Variants in FAM83A observed in about 807,000 individuals in gnomAD.
FAM83A encodes the protein scaffolding CK1 anchoring protein A, also known as protein FAM83A.
In FAM83A, 21 loss-of-function variants were observed where a neutral mutation model predicts 24.4. The ratio of observed to expected loss-of-function variants is 0.86; its 90% CI spans 0.61 to 1.24. The LOEUF is 1.24. Ranked by LOEUF, FAM83A falls within the 50% of genes most tolerant of loss-of-function variation. The pLI, the probability that FAM83A is intolerant of heterozygous loss-of-function variation, is 0.00. For synonymous variants in FAM83A, 270 were observed against 252.4 expected (o/e 1.07, Z -0.66); for missense variants, 617 against 579.8 (o/e 1.06, Z -0.66).
rs971946410 is a variant in FAM83A at position 123,201,146 on chromosome 8, A to C, written c.774-6011A>C. On this transcript the variant is annotated intron_variant, in intron 3 of 3. Transcript: ENST00000690554. Reference sequence around the variant, plus strand: ...GGGCGACAGAGTGAGACTGTCTCAAAAAAAAACAGAAACAAAAACAAAAAC... The same window carrying C: ...GGGCGACAGAGTGAGACTGTCTCAACAAAAAACAGAAACAAAAACAAAAAC... 3 of 151,998 alleles carry C rather than the reference A, an allele frequency of 2.0e-5. No homozygotes were observed. The East Asian group carries it at 5.8e-4, about 29-fold the overall frequency. 9.4% of individuals were successfully genotyped at this position (151,998 alleles called of 1,614,324 possible).
At chr8:123,207,919 G>A (rs868116922) in exon 4 of FAM83A, 1 of 1,244,424 alleles carries the variant, frequency 8.0e-7, no homozygotes, top group African/African-American at 1.5e-5. Context: ...AAGGTTCCAG[G>A]GAGGTTGTGG....
At chr8:123,192,794 T>C (rs1428707235) in intron 2 of FAM83A, 2 of 152,384 alleles carry the variant, frequency 1.3e-5, no homozygotes, top group Non-Finnish European at 2.9e-5. Flanking sequence ...GACCTCTGGC[T>C]GCTGGTCTGT....
At chr8:123,183,451 C>A in intron 1 of FAM83A, 115 bp downstream of exon 1, 1 of 1,451,636 alleles carries the variant, frequency 6.9e-7, no homozygotes, top group Non-Finnish European at 9.2e-7. Context: ...ATAATTGGGG[C>A]TTCGGATGGA....
upstream of FAM83A, chr8:123,182,169 G>A: frequency 2.2e-6 from 1 of 454,480 alleles, no homozygotes; most frequent in Non-Finnish European, 4.4e-6. Flanking sequence ...ACACGACAAT[G>A]ACAAACACTT....
chr8:123,197,975 C>T (rs1239148784), intron 3 of FAM83A, among the ~76,000 whole-genome samples: 18 of 152,036 alleles, frequency 1.2e-4, no homozygotes, highest in Admixed American at 1.2e-3. Flanking sequence ...ATTAAAAATA[C>T]AAAAATTAGC....
chr8:123,199,439 A>G (rs1428422951), intron 3 of FAM83A, among the ~76,000 whole-genome samples: 2 of 152,168 alleles, frequency 1.3e-5, no homozygotes, highest in Non-Finnish European at 2.9e-5. Flanking sequence ...GTGAATTAGA[A>G]AAGAGCTATC....
intron 3 of FAM83A, among the ~76,000 whole-genome samples, chr8:123,203,134 C>T (rs183027746): frequency 3.0e-4 from 46 of 151,670 alleles, no homozygotes; most frequent in Non-Finnish European, 6.0e-4. Context: ...GTTTACAAAT[C>T]GACTTGCAAT....
rs1824621992 is a variant in FAM83A at position 123,207,973 on chromosome 8, CAG to C, written c.*289_*290del. The C allele has an allele frequency of 5.0e-6, 6 of 1,209,450 alleles. No homozygotes were observed. In the African/African-American group the frequency reaches 7.8e-5, roughly 16 times the overall value. The allele number at this position is 1,209,450 out of a possible 1,614,324, so 74.9% of individuals were successfully genotyped here. On this transcript the variant is annotated 3_prime_UTR_variant, in exon 4 of 4. Coordinates refer to ENST00000690554, the Ensembl canonical transcript of FAM83A. ...TCATGAAAACAGAGTCCCTGTCTTC[CAG>C]AGATCATCCGGGGCTTTAATATTAA...
Position 123,209,549 on chromosome 8 carries a change from T to C in FAM83A, c.*1861T>C. The stretch of plus-strand genomic sequence containing the variant: ...GCTGACGGCTGAGATGAGGTTAGAA[T>C]GACTGGGCCCGGCTGAACATTCCAA... On this transcript the variant is annotated 3_prime_UTR_variant, in exon 4 of 4. Transcript: ENST00000690554. The surrounding 1 kb of genome is among the most constrained non-coding windows in gnomAD (Gnocchi z 4.7). 2 of 1,614,146 alleles carry C rather than the reference T, an allele frequency of 1.2e-6. No individual in the cohort carries two copies. The highest frequency in any genetic ancestry group is 1.7e-6 in the Non-Finnish European group (2 of 1,179,998).
exon 4 of FAM83A, chr8:123,207,572 G>A (rs1824605216): frequency 2.5e-6 from 4 of 1,572,936 alleles, no homozygotes; most frequent in African/African-American, 1.3e-5. Context: ...GCCCGCCGCT[G>A]TCTACAGCAA....
Position 123,183,113 on chromosome 8 carries a change from GA to G in FAM83A, c.258del (p.Ala88ArgfsTer42). The G allele has an allele frequency of 6.2e-7, 1 of 1,614,006 alleles. No homozygotes were observed. Among genetic ancestry groups the G allele is most frequent in the Non-Finnish European group, 8.5e-7 (1 of 1,179,996 alleles). ...CCCCCGTGTCCCCCAGACACCCTGG[GA>G]GGGGCGGAAGCAGGCCCTAAGGGAC... is the stretch of plus-strand genomic sequence containing the variant. On this transcript the variant is annotated frameshift_variant, in exon 1 of 4. Coordinates refer to ENST00000690554, the Ensembl canonical transcript of FAM83A. LOFTEE classifies it high-confidence loss of function.
chr8:123,191,040 CT>C (rs1172096140), intron 1 of FAM83A, among the ~76,000 whole-genome samples: 1 of 152,182 alleles, frequency 6.6e-6, no homozygotes, highest in East Asian at 1.9e-4. Context: ...TTGGTCTAGC[CT>C]TGGTCATGTG....
At chr8:123,203,285 T>C (rs1319874792) in intron 3 of FAM83A, among the ~76,000 whole-genome samples, 5 of 150,946 alleles carry the variant, frequency 3.3e-5, no homozygotes, top group Non-Finnish European at 7.4e-5. Flanking sequence ...TTAAGAATGT[T>C]GGTTCATTGA....
intron 1 of FAM83A, among the ~76,000 whole-genome samples, chr8:123,186,955 A>G (rs1823820025): frequency 6.6e-6 from 1 of 152,096 alleles, no homozygotes; most frequent in Non-Finnish European, 1.5e-5. Flanking sequence ...CTTAGGAGAG[A>G]GGAGAAAGAA....
At chr8:123,184,690 A>G (rs1349685) in intron 1 of FAM83A, among the ~76,000 whole-genome samples, 34,542 of 152,144 alleles carry the variant, frequency 0.23, 4,828 homozygotes, top group South Asian at 0.37. Context: ...TGACTCCAGC[A>G]CCAGGCTGTG....
chr8:123,195,618 T>A (rs1346483237), intron 3 of FAM83A, among the ~76,000 whole-genome samples: 3 of 152,202 alleles, frequency 2.0e-5, no homozygotes, highest in Non-Finnish European at 4.4e-5. Context: ...TTACTCACAG[T>A]CCTGAAGGCT....
Position 123,209,546 on chromosome 8 carries a change from G to C in FAM83A, c.*1858G>C, listed in dbSNP as rs1824670668. Reference sequence around the variant, plus strand: ...ACAGCTGACGGCTGAGATGAGGTTAGAATGACTGGGCCCGGCTGAACATTC... The same window carrying C: ...ACAGCTGACGGCTGAGATGAGGTTACAATGACTGGGCCCGGCTGAACATTC... On this transcript the variant is annotated 3_prime_UTR_variant, in exon 4 of 4. Transcript: ENST00000690554. This position sits in a 1 kb window ranked among gnomAD's most constrained non-coding sequence, Gnocchi z 4.7. 3.7e-6 allele frequency: 6 copies of C among 1,614,146 alleles called. No homozygotes were observed. Among genetic ancestry groups the C allele is most frequent in the Middle Eastern group, 3.3e-4 (2 of 6,060 alleles).
intron 3 of FAM83A, chr8:123,202,293 C>T (rs988608297): frequency 1.3e-5 from 2 of 152,898 alleles, no homozygotes; most frequent in African/African-American, 2.4e-5. Flanking sequence ...CATGCTCTTT[C>T]GAGTCGCAGG....
At chr8:123,207,439 T>C (rs1824596241) in exon 4 of FAM83A, 4 of 1,606,428 alleles carry the variant, frequency 2.5e-6, no homozygotes, top group Admixed American at 3.3e-5. Flanking sequence ...TGTCCGCGTC[T>C]TCAGGGCCCT....
Sources: gnomAD v4.1 joint callset for allele counts (sites outside exome capture counted in the v4.1 genomes callset) on GRCh38, gnomAD v4.1.1 for gene constraint, Gnocchi (gnomAD v3.1) non-coding constraint, MANE v1.5 for transcripts, NCBI Gene and HGNC (gene_info 2026-07-23, HGNC 2026-07-21) for gene names.